The following FRMD4A variants were observed in gnomAD, a reference collection of about 807,000 sequenced individuals.
The protein encoded by FRMD4A is FERM domain-containing protein 4A.
Under a neutral mutation model 129.1 loss-of-function variants are expected in FRMD4A, and 29 were observed. The ratio of observed to expected loss-of-function variants is 0.22; its 90% CI spans 0.17 to 0.31. The LOEUF (loss-of-function observed/expected upper bound fraction) is 0.31, where lower values mean the gene tolerates loss of function less well. FRMD4A is among the 10% of genes least tolerant of loss of function. The pLI, the probability that FRMD4A is intolerant of heterozygous loss-of-function variation, is 1.00. For synonymous variants in FRMD4A, 634 were observed against 571.6 expected, an observed-to-expected ratio of 1.11 and a Z score of -1.56; for missense variants, 1,272 against 1,375.8, an observed-to-expected ratio of 0.92 and a Z score of 1.19.
chr10:13,893,387 A>G (rs977037514), intron 2 of FRMD4A, among the ~76,000 whole-genome samples: 4 of 152,150 alleles, frequency 2.6e-5, no homozygotes, highest in East Asian at 3.9e-4. Context: ...TGATAATGCA[A>G]TTGGAGCCCA....
chr10:14,119,006 T>C (rs1838350771), intron 2 of FRMD4A, among the ~76,000 whole-genome samples: 1 of 152,194 alleles, frequency 6.6e-6, no homozygotes, highest in South Asian at 2.1e-4. Context: ...AGGGATGAGC[T>C]AAGAACCCCA....
intron 12 of FRMD4A, chr10:13,707,794 T>C: frequency 1.0e-6 from 1 of 985,404 alleles, no homozygotes. Flanking sequence ...GGAAGGACGC[T>C]GCGGCCAGAG....
At chr10:14,281,136 G>A (rs909074213) in intron 2 of FRMD4A, among the ~76,000 whole-genome samples, 1 of 151,862 alleles carries the variant, frequency 6.6e-6, no homozygotes, top group African/African-American at 2.4e-5. Context: ...GAGATTACAG[G>A]AGCACACCAC....
At chr10:13,987,368 G>A (rs1213439186) in intron 2 of FRMD4A, among the ~76,000 whole-genome samples, 5 of 151,980 alleles carry the variant, frequency 3.3e-5, no homozygotes, top group African/African-American at 9.7e-5. Context: ...AAGTTAAATC[G>A]TGAAAAGAAA....
intron 2 of FRMD4A, among the ~76,000 whole-genome samples, chr10:13,884,172 A>T (rs1230888971): frequency 2.5e-3 from 54 of 21,680 alleles, no homozygotes; most frequent in African/African-American, 6.0e-3. Flanking sequence ...ACACACTCAC[A>T]CACTCACACA....
intron 2 of FRMD4A, among the ~76,000 whole-genome samples, chr10:14,279,749 C>T (rs1411843945): frequency 6.6e-6 from 1 of 152,158 alleles, no homozygotes; most frequent in African/African-American, 2.4e-5. Flanking sequence ...TGTGCATGAT[C>T]TCATTTAAGT....
At chr10:13,682,061 A>AT (rs984162033) in intron 15 of FRMD4A, among the ~76,000 whole-genome samples, 1 of 116,298 alleles carries the variant, frequency 8.6e-6, no homozygotes, top group Non-Finnish European at 2.2e-5. Flanking sequence ...CTCTACAAAA[A>AT]TTAAAAAAAA....
rs775551707 is a variant in FRMD4A, at chr10:13,675,080, CAG to C, written c.1118-38_1118-37del. The C allele has an allele frequency of 2.1e-5, 34 of 1,591,948 alleles. No individual in the cohort carries two copies. The South Asian group carries it at 3.4e-4, about 16-fold the overall frequency. On this transcript the variant is annotated intron_variant, in intron 15 of 24. Coordinates refer to ENST00000357447, the MANE Select transcript of FRMD4A (RefSeq NM_018027.5). The stretch of plus-strand genomic sequence containing the variant: ...ACAGTGGGGTTACTTGGCCAGCTGA[CAG>C]GGGACACACATCTGGACCACTAATG...
At chr10:14,090,909 A>T (rs1057377608) in intron 2 of FRMD4A, among the ~76,000 whole-genome samples, 9 of 152,138 alleles carry the variant, frequency 5.9e-5, no homozygotes, top group Non-Finnish European at 8.8e-5. Context: ...CCTGGGCACA[A>T]GTGATCCTCC....
chr10:14,284,494 T>C (rs988179349), intron 2 of FRMD4A, among the ~76,000 whole-genome samples: 1 of 152,000 alleles, frequency 6.6e-6, no homozygotes, highest in Non-Finnish European at 1.5e-5. Flanking sequence ...TAAAAATACA[T>C]TTTAAAAAAT....
rs563063861 is a variant in FRMD4A, at chr10:13,936,102, G to T, written c.46-77190C>A. 3.9e-5 allele frequency among the ~76,000 whole-genome samples: 6 copies of T among 152,336 alleles called. No homozygotes were observed. The East Asian group carries it at 1.2e-3, about 29-fold the overall frequency. On this transcript the variant is annotated intron_variant, in intron 2 of 24. Coordinates refer to ENST00000357447, the MANE Select transcript of FRMD4A (RefSeq NM_018027.5). ...AGATGTAAGATCTTATATTGAATAA[G>T]ATAAACAAAAGTGGATATAATTCTT...
intron 2 of FRMD4A, among the ~76,000 whole-genome samples, chr10:14,281,995 G>T (rs749937649): frequency 3.5e-4 from 54 of 152,134 alleles, no homozygotes; most frequent in Non-Finnish European, 2.8e-4. Flanking sequence ...TACACGTGGC[G>T]GGGGAGGCCT....
At chr10:14,277,274 T>C (rs1845374795) in intron 2 of FRMD4A, among the ~76,000 whole-genome samples, 1 of 152,210 alleles carries the variant, frequency 6.6e-6, no homozygotes, top group African/African-American at 2.4e-5. Context: ...AAAGAGGCTC[T>C]GGTCTGAGTA....
intron 2 of FRMD4A, among the ~76,000 whole-genome samples, chr10:14,092,589 T>A (rs898742463): frequency 1.3e-5 from 2 of 152,228 alleles, no homozygotes; most frequent in Non-Finnish European, 2.9e-5. Flanking sequence ...TAACCTTCCA[T>A]CAGTGTTCAT....
chr10:13,963,182 G>A (rs1415481260), intron 2 of FRMD4A, among the ~76,000 whole-genome samples: 1 of 151,042 alleles, frequency 6.6e-6, no homozygotes, highest in Non-Finnish European at 1.5e-5. Flanking sequence ...CTTAATGAAT[G>A]CCTGAAAAAA....
intron 2 of FRMD4A, among the ~76,000 whole-genome samples, chr10:14,133,030 T>C (rs1839343831): frequency 6.6e-6 from 1 of 152,228 alleles, no homozygotes; most frequent in African/African-American, 2.4e-5. Flanking sequence ...AGAATAAGGA[T>C]AATATCAGTG....
At position 13,918,207 on chromosome 10, in the gene FRMD4A, G is replaced by T. The variant is rs193241574; in HGVS notation, c.46-59295C>A. 1.2e-3 allele frequency among the ~76,000 whole-genome samples: 183 copies of T among 152,208 alleles called. 1 individual carries two copies. Among genetic ancestry groups the T allele is most frequent in the African/African-American group, 4.2e-3 (175 of 41,524 alleles). ...GTGGGTTTCTTGCAGGCCTGGCTTT[G>T]GTCTGTTTAGTTCTCTGTTGTATCT... On this transcript the variant is annotated intron_variant, in intron 2 of 24. Transcript: ENST00000357447.
chr10:14,296,088 C>CG (rs1363798006), intron 2 of FRMD4A, among the ~76,000 whole-genome samples: 2 of 150,408 alleles, frequency 1.3e-5, no homozygotes, highest in South Asian at 2.1e-4. Context: ...CGCCTGGCGA[C>CG]GGGGGGTCTC....
intron 8 of FRMD4A, among the ~76,000 whole-genome samples, chr10:13,753,284 CT>C (rs2091713927): frequency 1.3e-5 from 2 of 152,172 alleles, no homozygotes; most frequent in South Asian, 2.1e-4. Context: ...CAATCACATG[CT>C]TTTTTCCCCA....
Sources: gnomAD v4.1 joint callset for allele counts (sites outside exome capture counted in the v4.1 genomes callset) on GRCh38, gnomAD v4.1.1 for gene constraint, MANE v1.5 for transcripts, NCBI Gene and HGNC (gene_info 2026-07-23, HGNC 2026-07-21) for gene names.